FGF11: variants seen among roughly 807,000 people sequenced by gnomAD.
FGF11 encodes the protein fibroblast growth factor 11, also known as fibroblast growth factor homologous factor 3.
A neutral mutation model predicts 25.1 loss-of-function variants in FGF11; 25 were observed. That is an observed-to-expected ratio of 1.00 (90% CI 0.73 to 1.39). The LOEUF is 1.39. FGF11 is among the 40% of genes most tolerant of loss of function. FGF11 has a pLI of 0.00. For synonymous variants in FGF11, 130 were observed against 128.9 expected (o/e 1.01, Z -0.06); for missense variants, 320 against 311.0 (o/e 1.03, Z -0.22).
rs1555551247 is a variant in FGF11 at position 7,441,874 on chromosome 17, A to G, written c.403A>G (p.Ser135Gly). The G allele has an allele frequency of 6.3e-7, 1 of 1,596,116 alleles. No homozygotes were observed. The change falls in exon 3 of 5, where the codon AGT (serine) becomes GGT (glycine). Residue 135 changes from serine to glycine, a missense_variant. By Grantham distance (56) the Ser-to-Gly change is moderately conservative. Coordinates refer to ENST00000293829, the MANE Select transcript of FGF11 (RefSeq NM_004112.4). ...CATGAATGCTGAGGGACTGCTCTAC[A>G]GTTCGGTGAGACAATGAGGCTGAGT... ...MAMNAEGLLYSSPHFTAECRF... is the reference protein window; with the variant it reads ...MAMNAEGLLYGSPHFTAECRF...
At position 7,442,594 on chromosome 17, in the gene FGF11, C is replaced by T; in HGVS notation, c.409C>T (p.Pro137Ser). The part of the protein sequence containing the change: ...MNAEGLLYSS[P>S]HFTAECRFKE... Reference sequence around the variant, plus strand: ...CCTTTCTGGGTCTTTGTCTCCTTAGCCGCATTTCACAGCTGAGTGTCGCTT... The same window carrying T: ...CCTTTCTGGGTCTTTGTCTCCTTAGTCGCATTTCACAGCTGAGTGTCGCTT... Residue 137 changes from proline to serine, a missense_variant and splice_region_variant, in exon 4 of 5, where the codon CCG (proline) becomes TCG (serine). Transcript: ENST00000293829. 6.2e-7 allele frequency: 1 copy of T among 1,614,180 alleles called. No individual in the cohort carries two copies.
Position 7,444,692 on chromosome 17 carries a change from A to G in FGF11, c.*1546A>G. 4.8e-6 allele frequency: 1 copy of G among 206,712 alleles called. No individual in the cohort carries two copies. Among genetic ancestry groups the G allele is most frequent in the South Asian group, 7.6e-5 (1 of 13,218 alleles). The allele number at this position is 206,712 out of a possible 1,614,324, so 12.8% of individuals were successfully genotyped here. ...AAGATGGGGAACCTGCTAGTGAACTAGGAGGGAGACTTCCATAGCCTCAGA... is the reference window on the plus strand; with the variant it reads ...AAGATGGGGAACCTGCTAGTGAACTGGGAGGGAGACTTCCATAGCCTCAGA... On this transcript the variant is annotated 3_prime_UTR_variant, in exon 5 of 5. Coordinates refer to ENST00000293829, the MANE Select transcript of FGF11 (RefSeq NM_004112.4).
Position 7,443,097 on chromosome 17 carries a change from C to T in FGF11, c.629C>T (p.Ser210Phe), listed in dbSNP as rs552124436. The T allele has an allele frequency of 1.9e-6, 3 of 1,612,608 alleles. No homozygotes were observed. The highest frequency in any genetic ancestry group is 3.3e-5 in the Admixed American group (2 of 59,968). The change falls in exon 5 of 5, where the codon TCT (serine) becomes TTT (phenylalanine). Residue 210 changes from serine to phenylalanine, a missense_variant. Transcript: ENST00000293829. ...ACAGTGGCCATGTACCAGGAGCCTT[C>T]TCTCCACAGTGTCCCCGAGGCCTCC... is the stretch of plus-strand genomic sequence containing the variant. ...LLEVAMYQEP[S>F]LHSVPEASPS...
chr17:7,442,234 G>A (rs1908362378), intron 3 of FGF11: 1 of 344,472 alleles, frequency 2.9e-6, no homozygotes, highest in Non-Finnish European at 5.3e-6. Context: ...GTGGAGAGAA[G>A]GAATCTTATT....
At position 7,442,638 on chromosome 17, in the gene FGF11, G is replaced by T; in HGVS notation, c.453G>T (p.Glu151Asp). The change falls in exon 4 of 5, where the codon GAG becomes GAT. Residue 151 changes from glutamate to aspartate, a missense_variant. Glu to Asp is a conservative substitution (Grantham distance 45). Transcript: ENST00000293829. ...AECRFKECVFENYYVLYASAL... is the reference protein window; with the variant it reads ...AECRFKECVFDNYYVLYASAL... The stretch of plus-strand genomic sequence containing the variant: ...GTCGCTTTAAGGAGTGTGTCTTTGA[G>T]AATTACTACGTCCTGTACGCCTCTG... The T allele has an allele frequency of 6.2e-7, 1 of 1,614,188 alleles. No individual in the cohort carries two copies. The highest frequency in any genetic ancestry group is 8.5e-7 in the Non-Finnish European group (1 of 1,180,044).
At position 7,440,647 on chromosome 17, in the gene FGF11, G is replaced by A; in HGVS notation, c.194-824G>A. ...ACAGTCAGGGAGTCCCTCTGGCCCT[G>A]CTCCCGCCCGCTCCCAGCTCCCCTA... On this transcript the variant is annotated intron_variant, in intron 1 of 4. Coordinates refer to ENST00000293829, the MANE Select transcript of FGF11 (RefSeq NM_004112.4). This position sits in a 1 kb window ranked among gnomAD's most constrained non-coding sequence, Gnocchi z 5.4. 1.0e-6 allele frequency: 1 copy of A among 985,094 alleles called. No individual in the cohort carries two copies. The highest frequency in any genetic ancestry group is 1.2e-6 in the Non-Finnish European group (1 of 829,922). The allele number at this position is 985,094 out of a possible 1,614,324, so 61.0% of individuals were successfully genotyped here.
At chr17:7,441,939 C>A in intron 3 of FGF11, 60 bp downstream of exon 3, 2 of 1,285,614 alleles carry the variant, frequency 1.6e-6, no homozygotes, top group East Asian at 2.4e-5. Flanking sequence ...TCAATTTGTC[C>A]CTTGAGGGAA....
Position 7,443,778 on chromosome 17 carries a change from G to C in FGF11, c.*632G>C, listed in dbSNP as rs2150835753. Reference sequence around the variant, plus strand: ...TAGAAAGAGGCTAGATTTGGGCCTTGTCTAGCTGTTGGCTTTGGCCTGAAC... The same window carrying C: ...TAGAAAGAGGCTAGATTTGGGCCTTCTCTAGCTGTTGGCTTTGGCCTGAAC... On this transcript the variant is annotated 3_prime_UTR_variant, in exon 5 of 5. Transcript: ENST00000293829. The C allele has an allele frequency of 6.6e-6, 1 of 152,386 alleles. No homozygotes were observed. Among genetic ancestry groups the C allele is most frequent in the Non-Finnish European group, 1.5e-5 (1 of 68,080 alleles). 9.4% of individuals were successfully genotyped at this position (152,386 alleles called of 1,614,324 possible). A position where few individuals can be genotyped will look rare whatever the true frequency, so the allele number is the denominator to read the frequency against.
rs1490121089 is a variant in FGF11 at position 7,441,886 on chromosome 17, C to A, written c.408+7C>A. ...GGGACTGCTCTACAGTTCGGTGAGA[C>A]AATGAGGCTGAGTGGCCGGGAAATA... On this transcript the variant is annotated splice_region_variant and intron_variant, in intron 3 of 4. Transcript: ENST00000293829. 4 of 1,577,194 alleles carry A rather than the reference C, an allele frequency of 2.5e-6. No homozygotes were observed. The highest frequency in any genetic ancestry group is 2.2e-5 in the East Asian group (1 of 44,604).
chr17:7,440,853 G>C lies in FGF11; in HGVS notation c.194-618G>C. On this transcript the variant is annotated intron_variant, in intron 1 of 4. Coordinates refer to ENST00000293829, the MANE Select transcript of FGF11 (RefSeq NM_004112.4). The surrounding 1 kb of genome is among the most constrained non-coding windows in gnomAD (Gnocchi z 5.4). ...CTTACCCCAGGCGAGTTACCTGGCC[G>C]AAGGGGAGAGGCTGAGCCTCAGGGA... 3 of 988,448 alleles carry C rather than the reference G, an allele frequency of 3.0e-6. No homozygotes were observed. Among genetic ancestry groups the C allele is most frequent in the Non-Finnish European group, 3.6e-6 (3 of 831,878 alleles). 61.2% of individuals were successfully genotyped at this position (988,448 alleles called of 1,614,324 possible).
chr17:7,444,921 C>G lies in FGF11; in HGVS notation c.*1775C>G. The G allele has an allele frequency of 1.6e-6, 1 of 613,028 alleles. No individual in the cohort carries two copies. Among genetic ancestry groups the G allele is most frequent in the African/African-American group, 1.9e-5 (1 of 52,736 alleles). 38.0% of individuals were successfully genotyped at this position (613,028 alleles called of 1,614,324 possible). A position where few individuals can be genotyped will look rare whatever the true frequency, so the allele number is the denominator to read the frequency against. ...CCACTCCAGCTTTCTCAATTAAAGA[C>G]GATTTATACAACTGAAGTGCTGTCT... is the stretch of plus-strand genomic sequence containing the variant. On this transcript the variant is annotated 3_prime_UTR_variant, in exon 5 of 5. Coordinates refer to ENST00000293829, the MANE Select transcript of FGF11 (RefSeq NM_004112.4).
chr17:7,439,893 G>C (rs1908235486), intron 1 of FGF11, 80 bp downstream of exon 1: 6 of 1,232,458 alleles, frequency 4.9e-6, no homozygotes, highest in Non-Finnish European at 6.3e-6. Flanking sequence ...TGAAGAATAG[G>C]GCCCGGCTGA....
At position 7,440,126 on chromosome 17, in the gene FGF11, C is replaced by T. The variant is rs1908246567; in HGVS notation, c.193+313C>T. 1 of 295,598 alleles carries T rather than the reference C, an allele frequency of 3.4e-6. No homozygotes were observed. The allele number at this position is 295,598 out of a possible 1,614,324, so 18.3% of individuals were successfully genotyped here. A position where few individuals can be genotyped will look rare whatever the true frequency, so the allele number is the denominator to read the frequency against. ...ACCCCCATCGTCCTCCGCCTACGTG[C>T]CGGTTCTCGCGATTCTTTCAATCTG... On this transcript the variant is annotated intron_variant, in intron 1 of 4. Coordinates refer to ENST00000293829, the MANE Select transcript of FGF11 (RefSeq NM_004112.4). This position sits in a 1 kb window ranked among gnomAD's most constrained non-coding sequence, Gnocchi z 5.4.
chr17:7,441,756 C>T lies in FGF11; in HGVS notation c.305-20C>T. The stretch of plus-strand genomic sequence containing the variant: ...AGGGTCAGAGGCCTGGGTATTGATG[C>T]TCCCTCTCTCCACCTGCAGCCCACT... On this transcript the variant is annotated intron_variant, in intron 2 of 4. Transcript: ENST00000293829. 2 of 1,582,802 alleles carry T rather than the reference C, an allele frequency of 1.3e-6. No homozygotes were observed. Among genetic ancestry groups the T allele is most frequent in the East Asian group, 2.2e-5 (1 of 44,562 alleles).
intron 2 of FGF11, 74 bp downstream of exon 2, chr17:7,441,655 C>T: frequency 1.9e-6 from 3 of 1,595,646 alleles, no homozygotes; most frequent in Non-Finnish European, 1.7e-6. Flanking sequence ...ATTCCCTCTT[C>T]AGCTTCTGTT....
At chr17:7,438,762 G>A (rs528998203), upstream of FGF11, among the ~76,000 whole-genome samples, 4 of 152,242 alleles carry the variant, frequency 2.6e-5, no homozygotes, top group East Asian at 7.7e-4. Context: ...GCAGCCAGGG[G>A]AGAAAAAAAC....
rs1908460666 is a variant in FGF11, at chr17:7,443,796, G to A, written c.*650G>A. ...GGGCCTTGTCTAGCTGTTGGCTTTG[G>A]CCTGAACCGGAACCAGTCTCAGATG... On this transcript the variant is annotated 3_prime_UTR_variant, in exon 5 of 5. Coordinates refer to ENST00000293829, the MANE Select transcript of FGF11 (RefSeq NM_004112.4). 6.6e-6 allele frequency: 1 copy of A among 152,170 alleles called. No homozygotes were observed. The highest frequency in any genetic ancestry group is 2.1e-4 in the South Asian group (1 of 4,830). The allele number at this position is 152,170 out of a possible 1,614,324, so 9.4% of individuals were successfully genotyped here.
In FGF11 at chr17:7,444,921, C is replaced by T. The variant is rs890434339; in HGVS notation, c.*1775C>T. The T allele has an allele frequency of 6.5e-6, 4 of 612,934 alleles. No individual in the cohort carries two copies. Among genetic ancestry groups the T allele is most frequent in the Admixed American group, 5.9e-5 (2 of 34,074 alleles). 38.0% of individuals were successfully genotyped at this position (612,934 alleles called of 1,614,324 possible). ...CCACTCCAGCTTTCTCAATTAAAGA[C>T]GATTTATACAACTGAAGTGCTGTCT... On this transcript the variant is annotated 3_prime_UTR_variant, in exon 5 of 5. Transcript: ENST00000293829.
intron 3 of FGF11, 90 bp downstream of exon 3, chr17:7,441,969 C>A: frequency 9.9e-7 from 1 of 1,009,436 alleles, no homozygotes; most frequent in Non-Finnish European, 1.4e-6. Flanking sequence ...TCCTCAACTA[C>A]AGACATTTTG....
Sources: gnomAD v4.1 joint callset for allele counts (sites outside exome capture counted in the v4.1 genomes callset) on GRCh38, gnomAD v4.1.1 for gene constraint, Gnocchi (gnomAD v3.1) non-coding constraint, MANE v1.5 for transcripts, NCBI Gene and HGNC (gene_info 2026-07-23, HGNC 2026-07-21) for gene names.